Variants in PLA2G7 observed in about 807,000 individuals in gnomAD.
PLA2G7 encodes the protein platelet-activating factor acetylhydrolase.
In PLA2G7, 63 loss-of-function variants were observed where a neutral mutation model predicts 49.6. That is an observed-to-expected ratio of 1.27 (90% confidence interval 1.04 to 1.57). The LOEUF (loss-of-function observed/expected upper bound fraction) is 1.57. Ranked by LOEUF, PLA2G7 falls within the 40% of genes most tolerant of loss-of-function variation. The probability of loss-of-function intolerance (pLI) is 0.00; values close to 1 mark genes in which losing one functional copy is unlikely to be tolerated. For synonymous variants in PLA2G7, 193 were observed against 169.9 expected (o/e 1.14, Z -1.06); for missense variants, 596 against 521.2 (o/e 1.14, Z -1.40).
chr6:46,705,040 G>A, intron 11 of PLA2G7, 113 bp downstream of exon 11: 1 of 828,524 alleles, frequency 1.2e-6, no homozygotes, highest in Non-Finnish European at 2.0e-6. Context: ...ATACTGCTTT[G>A]TTCCATTGTA....
In PLA2G7 at chr6:46,731,568, T is replaced by C. The variant is rs145630013; in HGVS notation, c.-35+3612A>G. ...TGCATTTTGTGACGACTTGTTTTTA[T>C]TGGTAACTCTTAGTTAAGAGTTTCC... On this transcript the variant is annotated intron_variant, in intron 1 of 11. Transcript: ENST00000274793. 2.0e-5 allele frequency among the ~76,000 whole-genome samples: 3 copies of C among 152,338 alleles called. No homozygotes were observed. In the East Asian group the frequency reaches 5.8e-4, roughly 29 times the overall value.
chr6:46,714,597 T>C (rs982850933), intron 4 of PLA2G7, 44 bp from the exon 5 acceptor site: 10 of 1,136,324 alleles, frequency 8.8e-6, no homozygotes, highest in Non-Finnish European at 1.3e-5. Flanking sequence ...TCTCTGAGTG[T>C]TGCTAGTGAA....
At position 46,704,611 on chromosome 6, in the gene PLA2G7, G is replaced by T. The variant is rs200419579; in HGVS notation, c.1275C>A (p.Thr425=). The change falls in exon 12 of 12, where the codon ACC becomes ACA. Residue 425 remains threonine, a synonymous_variant. Transcript: ENST00000274793. ...NLIPGTNINT[T]NQHIMLQNSS... ...AGTTCTGTAACATGATGTGTTGATT[G>T]GTTGTGTTAATGTTGGTCCCTGGAA... is the stretch of plus-strand genomic sequence containing the variant. 1.6e-4 allele frequency: 262 copies of T among 1,589,908 alleles called. 3 individuals are homozygous for T. In the South Asian group the frequency reaches 2.8e-3, roughly 17 times the overall value.
chr6:46,727,285 AGAC>A (rs1227787954), intron 1 of PLA2G7, among the ~76,000 whole-genome samples: 1 of 152,204 alleles, frequency 6.6e-6, no homozygotes, highest in Admixed American at 6.5e-5. Context: ...TCGAAACAAA[AGAC>A]AACCCAAAAC....
chr6:46,734,455 A>AC (rs1765842954), intron 1 of PLA2G7, among the ~76,000 whole-genome samples: 1 of 114,920 alleles, frequency 8.7e-6, no homozygotes, highest in African/African-American at 4.3e-5. Context: ...AGAGAGAGAG[A>AC]GAGAGAGAGA....
chr6:46,720,818 G>T (rs1270126082), intron 2 of PLA2G7, among the ~76,000 whole-genome samples: 1 of 152,022 alleles, frequency 6.6e-6, no homozygotes, highest in Non-Finnish European at 1.5e-5. Context: ...TTCAGTCTTG[G>T]GTTTGGAGAT....
At position 46,704,464 on chromosome 6, in the gene PLA2G7, TCTCTCTCTCTCTCTCACACACACACACA is replaced by T. The variant is rs922892283; in HGVS notation, c.*68_*95del. On this transcript the variant is annotated 3_prime_UTR_variant, in exon 12 of 12. Coordinates refer to ENST00000274793, the MANE Select transcript of PLA2G7 (RefSeq NM_005084.4). ...AATTCTCTCTCTCTCTCTCTCTCTC[TCTCTCTCTCTCTCTCACACACACACACA>T]CACACACACACACACACATAATTTT... 10 of 600,562 alleles carry T rather than the reference TCTCTCTCTCTCTCTCACACACACACACA, an allele frequency of 1.7e-5. No homozygotes were observed. The highest frequency in any genetic ancestry group is 2.6e-5 in the Non-Finnish European group (9 of 349,900). The allele number at this position is 600,562 out of a possible 1,614,324, so 37.2% of individuals were successfully genotyped here. A position where few individuals can be genotyped will look rare whatever the true frequency, so the allele number is the denominator to read the frequency against.
intron 7 of PLA2G7, among the ~76,000 whole-genome samples, chr6:46,710,943 A>C (rs1184023552): frequency 1.3e-5 from 2 of 152,210 alleles, no homozygotes; most frequent in Non-Finnish European, 2.9e-5. Flanking sequence ...ACCTAAAGGA[A>C]ATGTGGGTGG....
chr6:46,721,344 G>A (rs750485109), intron 2 of PLA2G7, among the ~76,000 whole-genome samples: 6 of 152,012 alleles, frequency 3.9e-5, no homozygotes, highest in South Asian at 2.1e-4. Context: ...CACCATGCCC[G>A]GCCTGCATTC....
In PLA2G7 at chr6:46,716,488, T is replaced by C; in HGVS notation, c.272A>G (p.Asp91Gly). The change falls in exon 4 of 12, where the codon GAT becomes GGT. Residue 91 changes from aspartate (D) to glycine (G), a missense_variant. By Grantham distance (94) the Asp-to-Gly change is moderately conservative. Coordinates refer to ENST00000274793, the MANE Select transcript of PLA2G7 (RefSeq NM_005084.4). ...TGGGATCCAAAGGGTGTCAAGGCGATCATTATCTTGGGATGGATAATATAA... is the reference window on the plus strand; with the variant it reads ...TGGGATCCAAAGGGTGTCAAGGCGACCATTATCTTGGGATGGATAATATAA... ...LRLYYPSQDNDRLDTLWIPNK... is the reference protein window; with the variant it reads ...LRLYYPSQDNGRLDTLWIPNK... 2 of 1,613,922 alleles carry C rather than the reference T, an allele frequency of 1.2e-6. No homozygotes were observed. Among genetic ancestry groups the C allele is most frequent in the South Asian group, 1.1e-5 (1 of 91,078 alleles).
Position 46,717,095 on chromosome 6 carries a change from T to C in PLA2G7, c.111A>G (p.Ala37=), listed in dbSNP as rs750924293. 2.5e-6 allele frequency: 4 copies of C among 1,613,328 alleles called. No individual in the cohort carries two copies. In the South Asian group the frequency reaches 4.4e-5, roughly 18 times the overall value. ...INPVAHMKSS[A]WVNKIQVLMA... is the part of the protein sequence containing the mutation. ...TCAGTACTTGTATTTTGTTGACCCA[T>C]GCTGAAAAACAGGTAAATATTATCT... Residue 37 remains alanine, a splice_region_variant and synonymous_variant, in exon 3 of 12, where the codon GCA becomes GCG. Transcript: ENST00000274793.
chr6:46,710,824 C>T (rs1764992540), intron 7 of PLA2G7, among the ~76,000 whole-genome samples, 166 bp from the exon 8 acceptor site: 1 of 152,210 alleles, frequency 6.6e-6, no homozygotes, highest in Non-Finnish European at 1.5e-5. Flanking sequence ...CCCAGCTTTG[C>T]ACATAGGTAT....
chr6:46,713,713 G>A (rs1005737149), intron 5 of PLA2G7, among the ~76,000 whole-genome samples: 3 of 152,198 alleles, frequency 2.0e-5, no homozygotes, highest in Admixed American at 1.3e-4. Flanking sequence ...AAAGTGAAGA[G>A]GGTGGTTGTT....
At chr6:46,734,063 C>A (rs45552541) in intron 1 of PLA2G7, among the ~76,000 whole-genome samples, 20 of 152,078 alleles carry the variant, frequency 1.3e-4, no homozygotes, top group Non-Finnish European at 2.4e-4. Flanking sequence ...AATAAAAGCC[C>A]GAACTTTTCG....
intron 1 of PLA2G7, among the ~76,000 whole-genome samples, chr6:46,724,134 A>G (rs1201664238): frequency 6.6e-6 from 1 of 152,142 alleles, no homozygotes; most frequent in Non-Finnish European, 1.5e-5. Flanking sequence ...GGTTCAATCT[A>G]TTTAAAATTG....
At chr6:46,719,645 C>A (rs573060330) in intron 2 of PLA2G7, among the ~76,000 whole-genome samples, 10 of 152,278 alleles carry the variant, frequency 6.6e-5, no homozygotes, top group African/African-American at 2.4e-4. Context: ...CTCTTACAAG[C>A]TATAATCCTC....
rs1562072048 is a variant in PLA2G7 at position 46,714,478 on chromosome 6, T to C, written c.452A>G (p.His151Arg). Reference sequence around the variant, plus strand: ...ACATTACCTGAATGCCCCAAGACCATGAGAAAAAACAACAAGTGGATATTT... The same window carrying C: ...ACATTACCTGAATGCCCCAAGACCACGAGAAAAAACAACAAGTGGATATTT... Reference protein sequence around the residue: ...GEKYPLVVFSHGLGAFRTLYS... With the variant: ...GEKYPLVVFSRGLGAFRTLYS... Residue 151 changes from histidine (H) to arginine (R), a missense_variant, in exon 5 of 12, where the codon CAT (histidine) becomes CGT (arginine). His to Arg is a conservative substitution (Grantham distance 29). Coordinates refer to ENST00000274793, the MANE Select transcript of PLA2G7 (RefSeq NM_005084.4). The C allele has an allele frequency of 6.2e-7, 1 of 1,610,820 alleles. No homozygotes were observed. The highest frequency in any genetic ancestry group is 8.5e-7 in the Non-Finnish European group (1 of 1,177,280).
chr6:46,731,684 T>A (rs1173950378), intron 1 of PLA2G7, among the ~76,000 whole-genome samples: 1 of 152,180 alleles, frequency 6.6e-6, no homozygotes, highest in African/African-American at 2.4e-5. Flanking sequence ...TTAAAATAAA[T>A]TTTAAGATAA....
chr6:46,709,716 TC>T (rs1168862640), intron 8 of PLA2G7, among the ~76,000 whole-genome samples: 1 of 152,224 alleles, frequency 6.6e-6, no homozygotes, highest in Non-Finnish European at 1.5e-5. Flanking sequence ...CTTCTGCCTC[TC>T]CTCACCCCAT....
Sources: allele counts gnomAD v4.1 joint callset (sites outside exome capture counted in the v4.1 genomes callset), GRCh38; gene constraint gnomAD v4.1.1; transcripts MANE v1.5; gene names NCBI Gene and HGNC (gene_info 2026-07-23, HGNC 2026-07-21).